The following RERE variants were observed in gnomAD, a reference collection of about 807,000 sequenced individuals.
RERE encodes the protein arginine-glutamic acid dipeptide repeats, also known as arginine-glutamic acid dipeptide repeats protein.
RERE carries 40 observed loss-of-function variants against 146.1 expected under a neutral mutation model. The ratio of observed to expected loss-of-function variants is 0.27; its 90% confidence interval spans 0.21 to 0.36. The LOEUF is 0.36. Among genes scored for constraint, RERE ranks in the 10% least tolerant of loss-of-function variants. The pLI, the probability that RERE is intolerant of heterozygous loss-of-function variation, is 1.00. For synonymous variants in RERE, 1,003 were observed against 866.0 expected, an observed-to-expected ratio of 1.16 and a Z score of -2.78; for missense variants, 1,933 against 2,138.7, an observed-to-expected ratio of 0.90 and a Z score of 1.90.
chr1:8,383,303 T>C (rs1570104764), intron 12 of RERE, among the ~76,000 whole-genome samples: 1 of 151,322 alleles, frequency 6.6e-6, no homozygotes, highest in East Asian at 1.9e-4. Flanking sequence ...GCTTCTCTCT[T>C]ACACAATCGG....
chr1:8,787,605 C>T (rs573212335), intron 1 of RERE, among the ~76,000 whole-genome samples: 4 of 151,996 alleles, frequency 2.6e-5, no homozygotes, highest in East Asian at 3.9e-4. Context: ...CCAAGGCAGG[C>T]GGATCACCTG....
Position 8,391,863 on chromosome 1 carries a change from T to C in RERE, c.1285-25889A>G, listed in dbSNP as rs117580521. Among the ~76,000 whole-genome samples, 2,090 of 152,122 alleles carry C rather than the reference T, an allele frequency of 0.014. 247 individuals carry two copies. The East Asian group carries it at 0.28, about 21-fold the overall frequency. ...CCAGCCTGGCCAACCCTGTCTCTAC[T>C]AAATAATATAAAAATTGGCTGGGCA... On this transcript the variant is annotated intron_variant, in intron 12 of 22. Coordinates refer to ENST00000400908, the MANE Select transcript of RERE (RefSeq NM_001042681.2).
chr1:8,635,210 A>G (rs1445098468), intron 2 of RERE, among the ~76,000 whole-genome samples: 1 of 152,186 alleles, frequency 6.6e-6, no homozygotes, highest in African/African-American at 2.4e-5. Context: ...AGTAATTTCC[A>G]ATCATCTATC....
Position 8,557,435 on chromosome 1 carries a change from T to G in RERE, c.611A>C (p.Asp204Ala). Reference protein sequence around the residue: ...PDSVYQHLVQDRHNENDSGRE... With the variant: ...PDSVYQHLVQARHNENDSGRE... ...ATATTTACCATTTTCATTATGTCGA[T>G]CCTGAACCAAATGCTGATACACAGA... The change falls in exon 5 of 23, where the codon GAT becomes GCT. Residue 204 changes from aspartate to alanine, a missense_variant. Asp to Ala is a moderately radical substitution (Grantham distance 126, BLOSUM62 -2). Transcript: ENST00000400908. 1 of 1,608,100 alleles carries G rather than the reference T, an allele frequency of 6.2e-7. No individual in the cohort carries two copies. The highest frequency in any genetic ancestry group is 8.5e-7 in the Non-Finnish European group (1 of 1,174,540).
intron 1 of RERE, among the ~76,000 whole-genome samples, chr1:8,765,728 C>T (rs192867667): frequency 2.8e-3 from 424 of 152,204 alleles, no homozygotes; most frequent in African/African-American, 9.5e-3. Context: ...CCGAGGCAGG[C>T]GGATCACAAG....
intron 4 of RERE, among the ~76,000 whole-genome samples, chr1:8,603,604 G>C (rs975447164): frequency 2.0e-5 from 3 of 152,118 alleles, no homozygotes. Flanking sequence ...AGCTGCATTA[G>C]GGATATAAGC....
rs556377500 is a variant in RERE at position 8,495,121 on chromosome 1, G to A, written c.1046C>T (p.Thr349Ile). ...AGAGGCTGCGACACAGCCGTCCTCT[G>A]TAGAGCCTCCATCACACATTCCTGC... ...AFAGMCDGGSTEDGCVAASRD... is the reference protein window; with the variant it reads ...AFAGMCDGGSIEDGCVAASRD... The change falls in exon 10 of 23, where the codon ACA becomes ATA. Residue 349 changes from threonine (T) to isoleucine (I), a missense_variant. By Grantham distance (89) the Thr-to-Ile change is moderately conservative. Around this residue, in one of 11 missense-constraint regions of RERE, gnomAD observed 260 missense variants for 378.4 expected, o/e 0.69. Coordinates refer to ENST00000400908, the MANE Select transcript of RERE (RefSeq NM_001042681.2). 1.2e-6 allele frequency: 2 copies of A among 1,614,016 alleles called. No homozygotes were observed. The highest frequency in any genetic ancestry group is 1.7e-5 in the Admixed American group (1 of 60,026).
intron 1 of RERE, among the ~76,000 whole-genome samples, chr1:8,716,301 A>C (rs1255906269): frequency 4.9e-5 from 1 of 20,618 alleles, no homozygotes; most frequent in African/African-American, 3.6e-4. Context: ...CATCTCTACA[A>C]AAAAAAAAAA....
chr1:8,796,636 C>T (rs1299163551), intron 1 of RERE: 1 of 151,300 alleles, frequency 6.6e-6, no homozygotes, highest in Admixed American at 6.6e-5. Flanking sequence ...GATCTGTAAC[C>T]ATCAATTAAG....
chr1:8,730,359 T>C (rs1207038243), intron 1 of RERE, among the ~76,000 whole-genome samples: 2 of 152,226 alleles, frequency 1.3e-5, no homozygotes, highest in East Asian at 1.9e-4. Context: ...GTTTTTGTTT[T>C]TGAGACAGAG....
intron 1 of RERE, among the ~76,000 whole-genome samples, chr1:8,676,893 A>C (rs1638851694): frequency 6.6e-6 from 1 of 152,190 alleles, no homozygotes; most frequent in Non-Finnish European, 1.5e-5. Flanking sequence ...CATTTGTCTC[A>C]GTTTTTAATA....
intron 1 of RERE, among the ~76,000 whole-genome samples, chr1:8,784,586 C>A (rs148283079): frequency 1.3e-5 from 2 of 152,136 alleles, no homozygotes; most frequent in East Asian, 1.9e-4. Flanking sequence ...ATGTATATGT[C>A]TTTTTCTGGA....
chr1:8,530,841 G>A lies in RERE; in HGVS notation c.830+10373C>T, dbSNP rs553044937. 6.9e-4 allele frequency among the ~76,000 whole-genome samples: 104 copies of A among 150,888 alleles called. 1 individual carries two copies. In the East Asian group the frequency reaches 0.011, roughly 16 times the overall value. On this transcript the variant is annotated intron_variant, in intron 7 of 22. Coordinates refer to ENST00000400908, the MANE Select transcript of RERE (RefSeq NM_001042681.2). Reference sequence around the variant, plus strand: ...CGAGTAGCTGGGACTACAGGCGCCCGCCACCGCGCCCGGCTAATTTTTTGT... The same window carrying A: ...CGAGTAGCTGGGACTACAGGCGCCCACCACCGCGCCCGGCTAATTTTTTGT...
At chr1:8,399,329 G>A (rs1037565278) in intron 12 of RERE, among the ~76,000 whole-genome samples, 7 of 151,954 alleles carry the variant, frequency 4.6e-5, no homozygotes, top group Admixed American at 1.3e-4. Context: ...TTTTCTTACA[G>A]TTTTAAAGTC....
chr1:8,803,693 G>C (rs1641631864), intron 1 of RERE, among the ~76,000 whole-genome samples: 1 of 151,184 alleles, frequency 6.6e-6, no homozygotes, highest in Admixed American at 6.6e-5. Context: ...ATCGCGAGTA[G>C]CTGAGACTAC....
At chr1:8,796,259 C>T (rs1641471516) in intron 1 of RERE, among the ~76,000 whole-genome samples, 1 of 152,046 alleles carries the variant, frequency 6.6e-6, no homozygotes, top group South Asian at 2.1e-4. Context: ...CAGGAAATAG[C>T]CTTCAAGTAG....
chr1:8,730,072 A>G (rs59905044), intron 1 of RERE, among the ~76,000 whole-genome samples: 4,310 of 152,350 alleles, frequency 0.028, 84 homozygotes, highest in South Asian at 0.039. Context: ...CCAAATAGCT[A>G]TGATAATGTG....
At chr1:8,461,129 T>A (rs1353500141) in intron 11 of RERE, among the ~76,000 whole-genome samples, 2 of 152,178 alleles carry the variant, frequency 1.3e-5, no homozygotes, top group African/African-American at 4.8e-5. Context: ...TAGGTGCAGT[T>A]CAGCCTGGGG....
intron 10 of RERE, among the ~76,000 whole-genome samples, chr1:8,489,590 A>C (rs1196092024): frequency 6.6e-6 from 1 of 152,168 alleles, no homozygotes; most frequent in African/African-American, 2.4e-5. Context: ...GCTCAACCCT[A>C]TTAAATTAGG....
Sources: gnomAD v4.1 joint callset for allele counts (sites outside exome capture counted in the v4.1 genomes callset) on GRCh38, gnomAD v4.1.1 for gene constraint, gnomAD v4.1.1 regional missense constraint, MANE v1.5 for transcripts, NCBI Gene and HGNC (gene_info 2026-07-23, HGNC 2026-07-21) for gene names.